Variants in GRID2 observed in about 807,000 individuals in gnomAD.
The protein encoded by GRID2 is glutamate receptor ionotropic, delta-2.
GRID2 carries 33 observed loss-of-function variants against 114.8 expected under a neutral mutation model. The ratio of observed to expected loss-of-function variants is 0.29; its 90% confidence interval spans 0.22 to 0.38. GRID2 has a LOEUF of 0.38. Among genes scored for constraint, GRID2 ranks in the 10% least tolerant of loss-of-function variants. The probability of loss-of-function intolerance (pLI) is 1.00; values close to 1 mark genes in which losing one functional copy is unlikely to be tolerated. For synonymous variants in GRID2, 505 were observed against 449.9 expected (o/e 1.12, Z -1.55); for missense variants, 1,184 against 1,257.7 (o/e 0.94, Z 0.89).
chr4:93,527,829 C>T (rs1264572909), intron 13 of GRID2, among the ~76,000 whole-genome samples: 1 of 152,028 alleles, frequency 6.6e-6, no homozygotes, highest in South Asian at 2.1e-4. Flanking sequence ...CTTTTTCTTG[C>T]AAAACTAAAA....
chr4:92,468,567 C>T (rs73837303), intron 1 of GRID2, among the ~76,000 whole-genome samples: 2,655 of 152,006 alleles, frequency 0.017, 84 homozygotes, highest in African/African-American at 0.06. Flanking sequence ...AAGTAAGATA[C>T]AGTTTTTGTT....
At chr4:92,929,781 C>T (rs527842990) in intron 2 of GRID2, among the ~76,000 whole-genome samples, 90 of 151,344 alleles carry the variant, frequency 5.9e-4, no homozygotes, top group Admixed American at 2.8e-3. Flanking sequence ...AGTCTCTTAA[C>T]CTTACTTTTT....
chr4:93,555,104 C>T (rs1052482701), intron 13 of GRID2, among the ~76,000 whole-genome samples: 6 of 152,170 alleles, frequency 3.9e-5, no homozygotes, highest in Non-Finnish European at 5.9e-5. Context: ...CCACGGTCTT[C>T]GCAACCTGCA....
chr4:92,525,855 G>A (rs190937746), intron 1 of GRID2, among the ~76,000 whole-genome samples: 1 of 152,184 alleles, frequency 6.6e-6, no homozygotes, highest in Admixed American at 6.5e-5. Flanking sequence ...CCAGAGAGAG[G>A]AATTGTAGAG....
intron 2 of GRID2, among the ~76,000 whole-genome samples, chr4:92,969,485 A>T (rs1341334979): frequency 6.6e-6 from 1 of 151,774 alleles, no homozygotes; most frequent in Non-Finnish European, 1.5e-5. Flanking sequence ...TGGAACTTTG[A>T]TAAAATTCAT....
At chr4:92,542,140 A>G (rs1325823704) in intron 1 of GRID2, among the ~76,000 whole-genome samples, 2 of 152,096 alleles carry the variant, frequency 1.3e-5, no homozygotes, top group Non-Finnish European at 2.9e-5. Context: ...AAAAGCTGAT[A>G]TGGTATAATA....
intron 2 of GRID2, among the ~76,000 whole-genome samples, chr4:93,017,718 C>A (rs1334598161): frequency 6.6e-6 from 1 of 150,728 alleles, no homozygotes; most frequent in Non-Finnish European, 1.5e-5. Flanking sequence ...AGGCTTGAAC[C>A]CAGAAGGTGG....
At chr4:93,630,651 A>G (rs1409277536) in intron 14 of GRID2, among the ~76,000 whole-genome samples, 1 of 152,294 alleles carries the variant, frequency 6.6e-6, no homozygotes, top group African/African-American at 2.4e-5. Context: ...ATGGAGAATA[A>G]TTTTTCTTAG....
At chr4:92,321,883 A>G (rs575331271) in intron 1 of GRID2, among the ~76,000 whole-genome samples, 1 of 152,138 alleles carries the variant, frequency 6.6e-6, no homozygotes, top group South Asian at 2.1e-4. Flanking sequence ...CTGGCTGTGA[A>G]GTCCTTGGAT....
intron 1 of GRID2, among the ~76,000 whole-genome samples, chr4:92,530,736 A>G (rs1176048148): frequency 1.6e-4 from 5 of 30,604 alleles, no homozygotes; most frequent in African/African-American, 3.5e-4. Flanking sequence ...CCCCTCTACT[A>G]AAAAAAAAAA....
chr4:92,748,351 A>C (rs1737258023), intron 2 of GRID2, among the ~76,000 whole-genome samples: 1 of 152,160 alleles, frequency 6.6e-6, no homozygotes, highest in African/African-American at 2.4e-5. Flanking sequence ...TTTGACATGG[A>C]GGACCAGCGA....
intron 1 of GRID2, among the ~76,000 whole-genome samples, chr4:92,512,312 G>T (rs1339157390): frequency 1.3e-5 from 2 of 151,778 alleles, no homozygotes; most frequent in Non-Finnish European, 2.9e-5. Flanking sequence ...TGGCCGTTAT[G>T]AATAATGCTG....
In GRID2 at chr4:93,074,007, C is replaced by A. The variant is rs907972377; in HGVS notation, c.245-10988C>A. On this transcript the variant is annotated intron_variant, in intron 2 of 15. Coordinates refer to ENST00000282020, the MANE Select transcript of GRID2 (RefSeq NM_001510.4). ...CAAGACTCACAGAGGACAGAGGCAC[C>A]TCCACTTGGTGCAGCTGTGAAGGGA... Among the ~76,000 whole-genome samples the A allele has an allele frequency of 2.6e-5, 4 of 152,184 alleles. No homozygotes were observed. In the South Asian group the frequency reaches 6.2e-4, roughly 24 times the overall value.
chr4:92,780,762 A>C (rs996425720), intron 2 of GRID2, among the ~76,000 whole-genome samples: 5 of 151,992 alleles, frequency 3.3e-5, no homozygotes, highest in African/African-American at 1.2e-4. Context: ...CTCTTCCTGC[A>C]GTTAGACTGT....
At chr4:93,115,398 T>TATAGACACACAC (rs1217656948) in intron 4 of GRID2, among the ~76,000 whole-genome samples, 4 of 63,562 alleles carry the variant, frequency 6.3e-5, no homozygotes, top group African/African-American at 2.2e-4. Flanking sequence ...TCCAAGTATA[T>TATAGACACACAC]ACAGACACAC....
intron 2 of GRID2, among the ~76,000 whole-genome samples, chr4:92,784,117 C>T (rs909455376): frequency 1.3e-5 from 2 of 151,842 alleles, no homozygotes; most frequent in Non-Finnish European, 2.9e-5. Flanking sequence ...ATTAATATCA[C>T]CTATAAACAA....
At chr4:93,405,880 C>T (rs1389791295) in intron 9 of GRID2, among the ~76,000 whole-genome samples, 6 of 152,072 alleles carry the variant, frequency 3.9e-5, no homozygotes, top group African/African-American at 1.2e-4. Flanking sequence ...TTGAGAGATG[C>T]TACTGAAATA....
intron 14 of GRID2, among the ~76,000 whole-genome samples, chr4:93,711,846 A>T (rs1485344554): frequency 2.0e-5 from 3 of 152,190 alleles, no homozygotes; most frequent in Admixed American, 6.5e-5. Context: ...ATACAATGTT[A>T]AAATCAGGTA....
chr4:93,045,215 C>T (rs113284738), intron 2 of GRID2, among the ~76,000 whole-genome samples: 11 of 152,120 alleles, frequency 7.2e-5, no homozygotes, highest in African/African-American at 2.2e-4. Context: ...CAGGCAACCC[C>T]GCAGATAGAC....
Sources: gnomAD v4.1 joint callset for allele counts (sites outside exome capture counted in the v4.1 genomes callset) on GRCh38, gnomAD v4.1.1 for gene constraint, MANE v1.5 for transcripts, NCBI Gene and HGNC (gene_info 2026-07-23, HGNC 2026-07-21) for gene names.